MDN1: variants seen among roughly 807,000 people sequenced by gnomAD.
MDN1 encodes midasin AAA ATPase 1.
In MDN1, 266 loss-of-function variants were observed where a neutral mutation model predicts 669.2. The ratio of observed to expected loss-of-function variants is 0.40; its 90% CI spans 0.36 to 0.44. The LOEUF (loss-of-function observed/expected upper bound fraction) is 0.44, where lower values mean the gene tolerates loss of function less well. MDN1 is among the 20% of genes least tolerant of loss of function. MDN1 has a pLI of 1.00. For synonymous variants in MDN1, 2,385 were observed against 2,457.1 expected, an observed-to-expected ratio of 0.97 and a Z score of 0.87; for missense variants, 5,940 against 6,754.0, an observed-to-expected ratio of 0.88 and a Z score of 4.22.
At position 89,674,291 on chromosome 6, in the gene MDN1, A is replaced by T; in HGVS notation, c.13060T>A (p.Ser4354Thr). The T allele has an allele frequency of 1.2e-6, 2 of 1,614,240 alleles. No individual in the cohort carries two copies. Among genetic ancestry groups the T allele is most frequent in the Non-Finnish European group, 1.7e-6 (2 of 1,180,042 alleles). ...ATTGGAGATGGGTAGCTCAGATTGGAAGGAATTAGGTCCAGCACTACTCCA... is the reference window on the plus strand; with the variant it reads ...ATTGGAGATGGGTAGCTCAGATTGGTAGGAATTAGGTCCAGCACTACTCCA... The part of the protein sequence containing the change: ...LCGVVLDLIP[S>T]NLSYPSPIPG... Residue 4354 changes from serine (S) to threonine (T), a missense_variant, in exon 79 of 102, where the codon TCC becomes ACC. Physicochemically the swap from Ser to Thr is moderately conservative, Grantham distance 58. Around this residue, in one of 5 missense-constraint regions of MDN1, gnomAD observed 2,280 missense variants for 2,576.3 expected, o/e 0.88. Coordinates refer to ENST00000369393, the MANE Select transcript of MDN1 (RefSeq NM_014611.3).
At position 89,712,155 on chromosome 6, in the gene MDN1, T is replaced by C; in HGVS notation, c.7532A>G (p.Asp2511Gly). Residue 2511 changes from aspartate to glycine, a missense_variant, in exon 49 of 102, where the codon GAT becomes GGT. Around this residue, in one of 5 missense-constraint regions of MDN1, gnomAD observed 2,292 missense variants for 2,638.3 expected, o/e 0.87. Coordinates refer to ENST00000369393, the MANE Select transcript of MDN1 (RefSeq NM_014611.3). ...NAVEVNTYWI[D>G]EPDVLVMAVK... is the part of the protein sequence containing the mutation. Reference sequence around the variant, plus strand: ...AGCCATGACCAAAACATCTGGTTCATCGATCCAGTAAGTATTCACTTCGAC... The same window carrying C: ...AGCCATGACCAAAACATCTGGTTCACCGATCCAGTAAGTATTCACTTCGAC... 6.2e-7 allele frequency: 1 copy of C among 1,614,104 alleles called. No homozygotes were observed. Among genetic ancestry groups the C allele is most frequent in the East Asian group, 2.2e-5 (1 of 44,868 alleles).
At chr6:89,717,056 A>T (rs1484789328) in intron 43 of MDN1, among the ~76,000 whole-genome samples, 1 of 152,188 alleles carries the variant, frequency 6.6e-6, no homozygotes, top group Admixed American at 6.5e-5. Flanking sequence ...AGAGGTGGCA[A>T]ATGATTTTTC....
At chr6:89,656,929 T>C (rs1293002688) in intron 90 of MDN1, 128 bp from the exon 91 acceptor site, 2 of 756,032 alleles carry the variant, frequency 2.6e-6, no homozygotes, top group Non-Finnish European at 2.1e-6. Context: ...CACTCCTGCC[T>C]ACCTGCCTGC....
intron 5 of MDN1, among the ~76,000 whole-genome samples, chr6:89,791,885 T>C (rs1419816879): frequency 6.7e-6 from 1 of 148,484 alleles, no homozygotes; most frequent in Non-Finnish European, 1.5e-5. Flanking sequence ...ATTTTTTTTT[T>C]TTTTTTTTTT....
chr6:89,811,439 TTTTA>T (rs1408427503), intron 1 of MDN1, among the ~76,000 whole-genome samples: 1 of 151,982 alleles, frequency 6.6e-6, no homozygotes, highest in African/African-American at 2.4e-5. Flanking sequence ...ATTTACTTCT[TTTTA>T]TTTTTTTTTT....
chr6:89,699,765 A>T, intron 57 of MDN1, 38 bp from the exon 58 acceptor site: 1 of 1,607,948 alleles, frequency 6.2e-7, no homozygotes, highest in Non-Finnish European at 8.5e-7. Flanking sequence ...TGGGGTATGG[A>T]CTATCAATGA....
intron 94 of MDN1, 82 bp downstream of exon 94, chr6:89,652,910 C>CA: frequency 7.1e-7 from 1 of 1,413,426 alleles, no homozygotes. Flanking sequence ...GTTCTAAAGA[C>CA]AAAGATTTAA....
At chr6:89,720,293 T>C (rs1048692803) in intron 40 of MDN1, among the ~76,000 whole-genome samples, 2 of 151,588 alleles carry the variant, frequency 1.3e-5, no homozygotes, top group African/African-American at 4.9e-5. Flanking sequence ...ATTACAAATA[T>C]TGCTACTCGG....
intron 22 of MDN1, 82 bp downstream of exon 22, chr6:89,753,430 G>GGA (rs1562182038): frequency 2.2e-6 from 2 of 891,508 alleles, no homozygotes; most frequent in Non-Finnish European, 1.7e-6. Context: ...AAAGTTATGT[G>GGA]AAAAAAAAAA....
At position 89,819,742 on chromosome 6, in the gene MDN1, A is replaced by G; in HGVS notation, c.-135T>C. ...AAAGGCGTCCTCAGCTCCAGCGCCT[A>G]CACCGGGAGAGGGGCACCACACGTG... On this transcript the variant is annotated 5_prime_UTR_variant, in exon 1 of 102. An upstream open reading frame in the 5' UTR loses its in-frame stop. Transcript: ENST00000369393. 1.5e-6 allele frequency: 1 copy of G among 684,070 alleles called. No individual in the cohort carries two copies. Among genetic ancestry groups the G allele is most frequent in the South Asian group, 1.7e-5 (1 of 59,506 alleles). The allele number at this position is 684,070 out of a possible 1,614,324, so 42.4% of individuals were successfully genotyped here. A position where few individuals can be genotyped will look rare whatever the true frequency, so the allele number is the denominator to read the frequency against.
intron 8 of MDN1, among the ~76,000 whole-genome samples, chr6:89,786,924 CAAAAAA>C (rs35077997): frequency 1.3e-5 from 1 of 76,594 alleles, no homozygotes. Flanking sequence ...GACTCCATCT[CAAAAAA>C]AAAAAAAAAA....
In MDN1 at chr6:89,674,233, A is replaced by T; in HGVS notation, c.13118T>A (p.Met4373Lys). 1 of 1,614,248 alleles carries T rather than the reference A, an allele frequency of 6.2e-7. No individual in the cohort carries two copies. Among genetic ancestry groups the T allele is most frequent in the Non-Finnish European group, 8.5e-7 (1 of 1,180,048 alleles). Reference protein sequence around the residue: ...PGSQLPSGCRMRKQDHLWQQS... With the variant: ...PGSQLPSGCRKRKQDHLWQQS... ...TTGCCAAAGGTGATCCTGTTTCCGC[A>T]TCCGGCAACCAGAGGGCAGCTGACT... is the stretch of plus-strand genomic sequence containing the variant. The change falls in exon 79 of 102, where the codon ATG (methionine) becomes AAG (lysine). Residue 4373 changes from methionine to lysine, a missense_variant. Met to Lys is a moderately conservative substitution (Grantham distance 95). Coordinates refer to ENST00000369393, the MANE Select transcript of MDN1 (RefSeq NM_014611.3).
intron 2 of MDN1, among the ~76,000 whole-genome samples, chr6:89,800,915 T>C (rs534475507): frequency 2.6e-5 from 4 of 152,214 alleles, no homozygotes; most frequent in East Asian, 1.9e-4. Flanking sequence ...TTGATAGATA[T>C]AGGTAAAAAG....
intron 24 of MDN1, 118 bp from the exon 25 acceptor site, chr6:89,749,869 G>T: frequency 1.2e-6 from 1 of 822,348 alleles, no homozygotes; most frequent in Non-Finnish European, 1.9e-6. Context: ...ATTACTTTCT[G>T]TAGCTAGTCT....
Position 89,655,931 on chromosome 6 carries a change from C to T in MDN1, c.15323G>A (p.Arg5108His), listed in dbSNP as rs753370114. Residue 5108 changes from arginine to histidine, a missense_variant, in exon 92 of 102, where the codon CGT becomes CAT. Transcript: ENST00000369393. ...ACGCTCATTGTGATCACCCATGGAA[C>T]GTTCATTGTCAGCCTGCCCAGGTTT... ...KRKPGQADNE[R>H]SMGDHNERVH... 20 of 1,613,916 alleles carry T rather than the reference C, an allele frequency of 1.2e-5. No individual in the cohort carries two copies. The highest frequency in any genetic ancestry group is 5.0e-5 in the Admixed American group (3 of 60,000).
chr6:89,697,926 T>A (rs1812879753), intron 59 of MDN1, among the ~76,000 whole-genome samples: 1 of 152,160 alleles, frequency 6.6e-6, no homozygotes, highest in Non-Finnish European at 1.5e-5. Flanking sequence ...ACTCGAAAAT[T>A]CAGAGAAGAA....
chr6:89,793,927 G>C lies in MDN1; in HGVS notation c.690C>G (p.Asp230Glu). Reference sequence around the variant, plus strand: ...TGGCCAAAACCAAGGCCTTCTCCAAGTCCTGCAACTGGGCCTCTTCTAATA... The same window carrying C: ...TGGCCAAAACCAAGGCCTTCTCCAACTCCTGCAACTGGGCCTCTTCTAATA... ...LRLLEEAQLQ[D>E]LEKALVLANP... The change falls in exon 5 of 102, where the codon GAC becomes GAG. Residue 230 changes from aspartate (D) to glutamate (E), a missense_variant. Asp to Glu is a conservative substitution (Grantham distance 45, BLOSUM62 2). This residue lies in a region of MDN1 where 1,203 missense variants were observed against 1,268.9 expected (regional missense o/e 0.95). Coordinates refer to ENST00000369393, the MANE Select transcript of MDN1 (RefSeq NM_014611.3). 1 of 1,613,696 alleles carries C rather than the reference G, an allele frequency of 6.2e-7. No homozygotes were observed. Among genetic ancestry groups the C allele is most frequent in the Non-Finnish European group, 8.5e-7 (1 of 1,179,752 alleles).
intron 33 of MDN1, among the ~76,000 whole-genome samples, chr6:89,734,977 A>G (rs1351417501): frequency 6.6e-6 from 1 of 150,478 alleles, no homozygotes; most frequent in Non-Finnish European, 1.5e-5. Flanking sequence ...GGCAACCTCC[A>G]CCTCTCGGGT....
rs1812282935 is a variant in MDN1 at position 89,690,071 on chromosome 6, C to A, written c.10822G>T (p.Ala3608Ser). ...GAGAGGAGAGCTGGGTTTGTGCCTG[C>A]TTCCTCTTCTTGCCCATCTGAAGTT... ...KGTSDGQEEE[A>S]GTNPALLSQN... is the part of the protein sequence containing the mutation. The change falls in exon 65 of 102, where the codon GCA becomes TCA. Residue 3608 changes from alanine (A) to serine (S), a missense_variant. Ala to Ser is a moderately conservative substitution (Grantham distance 99). Transcript: ENST00000369393. The A allele has an allele frequency of 6.2e-7, 1 of 1,614,076 alleles. No homozygotes were observed. The highest frequency in any genetic ancestry group is 1.1e-5 in the South Asian group (1 of 91,092).
Sources: gnomAD v4.1 joint callset for allele counts (sites outside exome capture counted in the v4.1 genomes callset) on GRCh38, gnomAD v4.1.1 for gene constraint, gnomAD v4.1.1 regional missense constraint, MANE v1.5 for transcripts, NCBI Gene and HGNC (gene_info 2026-07-23, HGNC 2026-07-21) for gene names.